The following NCAM2 variants were observed in gnomAD, a reference collection of about 807,000 sequenced individuals.
NCAM2 encodes the protein neural cell adhesion molecule 2.
Under a neutral mutation model 98.1 loss-of-function variants are expected in NCAM2, and 30 were observed. That is an observed-to-expected ratio of 0.31 (90% CI 0.23 to 0.41). The LOEUF is 0.41. Ranked by LOEUF, NCAM2 falls within the 10% of genes least tolerant of loss-of-function variation. The pLI, the probability that NCAM2 is intolerant of heterozygous loss-of-function variation, is 1.00. For missense variants in NCAM2, 867 were observed against 1,005.8 expected (o/e 0.86, Z 1.87); for synonymous variants, 368 against 342.4 (o/e 1.07, Z -0.83).
Position 21,463,153 on chromosome 21 carries a change from A to G in NCAM2, c.1655-3453A>G, listed in dbSNP as rs565006616. 9.9e-5 allele frequency among the ~76,000 whole-genome samples: 15 copies of G among 152,206 alleles called. No individual in the cohort carries two copies. The South Asian group carries it at 3.1e-3, about 32-fold the overall frequency. ...AAGTGGTAGTTTTCTTTCAGTCCCT[A>G]CCTTGGGTGTTCAGAAACTCTTGTT... On this transcript the variant is annotated intron_variant, in intron 12 of 17. Coordinates refer to ENST00000400546, the MANE Select transcript of NCAM2 (RefSeq NM_004540.5).
intron 1 of NCAM2, among the ~76,000 whole-genome samples, chr21:21,006,397 T>TA (rs1211646551): frequency 6.6e-6 from 1 of 152,094 alleles, no homozygotes; most frequent in Non-Finnish European, 1.5e-5. Context: ...TAGTCCCAGC[T>TA]ACTTGGAAGG....
At chr21:21,026,947 C>T (rs916435471) in intron 1 of NCAM2, among the ~76,000 whole-genome samples, 3 of 150,704 alleles carry the variant, frequency 2.0e-5, no homozygotes, top group African/African-American at 7.3e-5. Flanking sequence ...ACCTCCACCT[C>T]CCAGGCTCAA....
chr21:21,436,352 T>C (rs1398774133), intron 12 of NCAM2, among the ~76,000 whole-genome samples: 1 of 152,228 alleles, frequency 6.6e-6, no homozygotes, highest in African/African-American at 2.4e-5. Context: ...AGAATTATTG[T>C]TTTACCCTGA....
intron 1 of NCAM2, among the ~76,000 whole-genome samples, chr21:21,257,076 G>A (rs2071701727): frequency 1.3e-5 from 2 of 152,308 alleles, no homozygotes; most frequent in Admixed American, 6.5e-5. Flanking sequence ...GTTCTAGGAA[G>A]CATTGTTCTG....
chr21:21,001,168 A>G (rs930260490), intron 1 of NCAM2, among the ~76,000 whole-genome samples: 4 of 152,236 alleles, frequency 2.6e-5, no homozygotes. Flanking sequence ...GCAGTTGAAT[A>G]GGAGAAAATG....
At chr21:21,393,771 A>G (rs2076434521) in intron 9 of NCAM2, among the ~76,000 whole-genome samples, 1 of 152,190 alleles carries the variant, frequency 6.6e-6, no homozygotes, top group African/African-American at 2.4e-5. Context: ...AATTATACTT[A>G]AAAATGATAC....
At chr21:21,265,266 CACAT>C (rs1393009323) in intron 1 of NCAM2, among the ~76,000 whole-genome samples, 6 of 124,222 alleles carry the variant, frequency 4.8e-5, no homozygotes, top group South Asian at 4.8e-4. Context: ...CGTATATACA[CACAT>C]ATATGTACAC....
At position 21,280,497 on chromosome 21, in the gene NCAM2, A is replaced by G. The variant is rs1397288938; in HGVS notation, c.56-81A>G. 6 of 927,672 alleles carry G rather than the reference A, an allele frequency of 6.5e-6. 1 individual carries two copies. The highest frequency in any genetic ancestry group is 5.2e-5 in the Admixed American group (2 of 38,258). 57.5% of individuals were successfully genotyped at this position (927,672 alleles called of 1,614,324 possible). A position where few individuals can be genotyped will look rare whatever the true frequency, so the allele number is the denominator to read the frequency against. On this transcript the variant is annotated intron_variant, in intron 1 of 17. Coordinates refer to ENST00000400546, the MANE Select transcript of NCAM2 (RefSeq NM_004540.5). Reference sequence around the variant, plus strand: ...GGGGGAAATAATCAGCGTTTGGACCATGTGGTTTAGACATCATGCATTAAA... The same window carrying G: ...GGGGGAAATAATCAGCGTTTGGACCGTGTGGTTTAGACATCATGCATTAAA...
At chr21:21,280,468 A>T in intron 1 of NCAM2, 110 bp from the exon 2 acceptor site, 1 of 669,900 alleles carries the variant, frequency 1.5e-6, no homozygotes, top group Non-Finnish European at 2.4e-6. Flanking sequence ...GTAATAAAAA[A>T]TTGGGGGGAA....
intron 7 of NCAM2, among the ~76,000 whole-genome samples, chr21:21,336,238 G>A (rs990899096): frequency 1.1e-4 from 17 of 152,210 alleles, no homozygotes; most frequent in African/African-American, 3.9e-4. Flanking sequence ...GGCAGTGGGT[G>A]CTTCTAATAG....
intron 1 of NCAM2, among the ~76,000 whole-genome samples, chr21:21,240,482 C>A (rs2071023469): frequency 6.6e-6 from 1 of 152,034 alleles, no homozygotes; most frequent in Non-Finnish European, 1.5e-5. Context: ...AAGGCTACGT[C>A]AGTTTTCTGT....
intron 1 of NCAM2, among the ~76,000 whole-genome samples, chr21:21,171,026 G>A (rs959268526): frequency 6.6e-6 from 1 of 152,114 alleles, no homozygotes; most frequent in African/African-American, 2.4e-5. Context: ...CTTTAAATTT[G>A]ATATTGTAAT....
chr21:21,085,254 A>C (rs992114959), intron 1 of NCAM2, among the ~76,000 whole-genome samples: 5 of 151,954 alleles, frequency 3.3e-5, no homozygotes, highest in Non-Finnish European at 5.9e-5. Context: ...ACTTCCTTCA[A>C]AAAGGGAGTT....
chr21:21,027,899 C>G (rs1334910362), intron 1 of NCAM2, among the ~76,000 whole-genome samples: 1 of 151,478 alleles, frequency 6.6e-6, no homozygotes, highest in African/African-American at 2.4e-5. Flanking sequence ...TCTTGTTGCC[C>G]AGGCTGGAGT....
Position 21,362,469 on chromosome 21 carries a change from C to T in NCAM2, c.1045-11394C>T, listed in dbSNP as rs181176883. 1.6e-4 allele frequency among the ~76,000 whole-genome samples: 25 copies of T among 151,864 alleles called. No homozygotes were observed. In the East Asian group the frequency reaches 3.9e-3, roughly 24 times the overall value. The stretch of plus-strand genomic sequence containing the variant: ...AGTACAGTGCTGCAATCAAGGCTCA[C>T]GGAAGCCTTGAACTCCTGGGTCAAC... On this transcript the variant is annotated intron_variant, in intron 8 of 17. Coordinates refer to ENST00000400546, the MANE Select transcript of NCAM2 (RefSeq NM_004540.5).
intron 1 of NCAM2, among the ~76,000 whole-genome samples, chr21:21,014,668 C>G (rs1467056167): frequency 6.6e-6 from 1 of 152,186 alleles, no homozygotes; most frequent in South Asian, 2.1e-4. Context: ...GTTTTTATGC[C>G]TACTAACACA....
intron 13 of NCAM2, among the ~76,000 whole-genome samples, chr21:21,468,399 T>A (rs73896913): frequency 0.016 from 2,395 of 152,132 alleles, 70 homozygotes; most frequent in African/African-American, 0.055. Context: ...GCTATACTTT[T>A]CTCAGAGCAT....
At chr21:21,183,229 GACA>G (rs1321075745) in intron 1 of NCAM2, among the ~76,000 whole-genome samples, 1 of 152,122 alleles carries the variant, frequency 6.6e-6, no homozygotes, top group African/African-American at 2.4e-5. Context: ...GAAATTCAGG[GACA>G]ACAAGGTTAA....
At chr21:21,390,958 G>A (rs2076367727) in intron 9 of NCAM2, among the ~76,000 whole-genome samples, 1 of 152,096 alleles carries the variant, frequency 6.6e-6, no homozygotes, top group African/African-American at 2.4e-5. Context: ...ATATTGATAA[G>A]AAAAACAAAC....
Sources: allele counts gnomAD v4.1 joint callset (sites outside exome capture counted in the v4.1 genomes callset), GRCh38; gene constraint gnomAD v4.1.1; transcripts MANE v1.5; gene names NCBI Gene and HGNC (gene_info 2026-07-23, HGNC 2026-07-21).